Variants in ANAPC2 observed in about 807,000 individuals in gnomAD.
ANAPC2 encodes the protein anaphase promoting complex subunit 2, also known as anaphase-promoting complex subunit 2.
ANAPC2 carries 29 observed loss-of-function variants against 84.3 expected under a neutral mutation model. The observed-to-expected ratio is 0.34, with a 90% confidence interval of 0.26 to 0.47. The LOEUF (loss-of-function observed/expected upper bound fraction) is 0.47. Among genes scored for constraint, ANAPC2 ranks in the 20% least tolerant of loss-of-function variants. The probability of loss-of-function intolerance (pLI) is 1.00; values close to 1 mark genes in which losing one functional copy is unlikely to be tolerated. For missense variants in ANAPC2, 857 were observed against 1,131.7 expected (o/e 0.76, Z 3.48); for synonymous variants, 571 against 479.4 (o/e 1.19, Z -2.50).
intron 10 of ANAPC2, among the ~76,000 whole-genome samples, chr9:137,179,671 C>G (rs1046187202): frequency 2.0e-5 from 3 of 152,238 alleles, no homozygotes; most frequent in Non-Finnish European, 2.9e-5. Context: ...ACCACTGGAG[C>G]CTGCAAAGGC....
Position 137,183,176 on chromosome 9 carries a change from G to A in ANAPC2, c.1235C>T (p.Pro412Leu). ...SAIKALRVLD[P>L]SMVILEVACE... is the part of the protein sequence containing the mutation. ...GGCCACCTCCAGGATGACCATGGAA[G>A]GGTCCAGCACGCGCAGCGCCTTGAT... is the stretch of plus-strand genomic sequence containing the variant. The change falls in exon 6 of 13, where the codon CCT (proline) becomes CTT (leucine). Residue 412 changes from proline (P) to leucine (L), a missense_variant. By Grantham distance (98) the Pro-to-Leu change is moderately conservative. Around this residue, in one of 3 missense-constraint regions of ANAPC2, gnomAD observed 425 missense variants for 595.5 expected, o/e 0.71. Coordinates refer to ENST00000323927, the MANE Select transcript of ANAPC2 (RefSeq NM_013366.4). 1 of 1,613,314 alleles carries A rather than the reference G, an allele frequency of 6.2e-7. No individual in the cohort carries two copies. The highest frequency in any genetic ancestry group is 8.5e-7 in the Non-Finnish European group (1 of 1,179,960).
Position 137,187,804 on chromosome 9 carries a change from GC to G in ANAPC2, c.416del (p.Gly139AlafsTer3). 1.2e-6 allele frequency: 2 copies of G among 1,613,652 alleles called. No homozygotes were observed. Among genetic ancestry groups the G allele is most frequent in the Non-Finnish European group, 1.7e-6 (2 of 1,180,048 alleles). ...LELLEKWTRLGLLMGTGAQGL... is the reference protein window; with the variant it reads ...LELLEKWTRLXLLMGTGAQGL... ...CCTGAGCACCAGTGCCCATCAGCAA[GC>G]CCAGGCGAGTCCATTTCTCCAGCAG... On this transcript the variant is annotated frameshift_variant, in exon 2 of 13. Coordinates refer to ENST00000323927, the MANE Select transcript of ANAPC2 (RefSeq NM_013366.4). LOFTEE classifies it high-confidence loss of function.
chr9:137,186,176 C>A (rs748706663), intron 3 of ANAPC2, 48 bp downstream of exon 3: 5 of 1,597,342 alleles, frequency 3.1e-6, no homozygotes, highest in Admixed American at 3.4e-5. Context: ...TGCCAGAAAC[C>A]TACTCCCCTG....
intron 2 of ANAPC2, 133 bp from the exon 3 acceptor site, chr9:137,186,489 C>G: frequency 7.8e-7 from 1 of 1,275,982 alleles, no homozygotes; most frequent in East Asian, 2.6e-5. Context: ...CAGCACACAC[C>G]TCCCCACAAT....
At chr9:137,184,109 C>T (rs1588763213) in intron 4 of ANAPC2, among the ~76,000 whole-genome samples, 1 of 152,238 alleles carries the variant, frequency 6.6e-6, no homozygotes, top group Non-Finnish European at 1.5e-5. Context: ...CGGGGGACGC[C>T]GCAGTGGGGA....
intron 5 of ANAPC2, chr9:137,183,465 G>T: frequency 2.5e-6 from 2 of 815,682 alleles, no homozygotes; most frequent in Non-Finnish European, 3.8e-6. Flanking sequence ...AGACCTACCG[G>T]TCAGTCCTGA....
At chr9:137,182,849 C>T (rs917876076) in intron 6 of ANAPC2, among the ~76,000 whole-genome samples, 12 of 152,180 alleles carry the variant, frequency 7.9e-5, no homozygotes, top group African/African-American at 2.9e-4. Context: ...AAGAGCTTCT[C>T]TCTGTGCTGG....
intron 2 of ANAPC2, chr9:137,187,278 G>C (rs1324915447): frequency 3.0e-6 from 2 of 677,290 alleles, no homozygotes; most frequent in South Asian, 2.1e-5. Flanking sequence ...GTCAAGGCAT[G>C]AATCTGTGGG....
At chr9:137,178,267 G>A (rs552837422) in intron 10 of ANAPC2, among the ~76,000 whole-genome samples, 5 of 152,374 alleles carry the variant, frequency 3.3e-5, no homozygotes, top group South Asian at 2.1e-4. Flanking sequence ...CAGGGGTGAC[G>A]CTGTGGGCTG....
At chr9:137,178,565 A>C (rs1834271879) in intron 10 of ANAPC2, among the ~76,000 whole-genome samples, 4 of 152,174 alleles carry the variant, frequency 2.6e-5, no homozygotes. Flanking sequence ...GGGACCGAGC[A>C]CGGAGCCGGG....
intron 10 of ANAPC2, 160 bp from the exon 11 acceptor site, chr9:137,175,997 C>A (rs1834201648): frequency 1.2e-6 from 1 of 864,552 alleles, no homozygotes; most frequent in Non-Finnish European, 1.7e-6. Context: ...TGGGTGGGGT[C>A]CCCACCTGCT....
At position 137,186,458 on chromosome 9, in the gene ANAPC2, G is replaced by GCA. The variant is rs148147354; in HGVS notation, c.741-104_741-103dup. 5,789 of 1,309,834 alleles carry GCA rather than the reference G, an allele frequency of 4.4e-3. 5 individuals carry two copies. The highest frequency in any genetic ancestry group is 0.013 in the African/African-American group (861 of 67,760). 81.1% of individuals were successfully genotyped at this position (1,309,834 alleles called of 1,614,324 possible). On this transcript the variant is annotated intron_variant, in intron 2 of 12. Transcript: ENST00000323927. ...CTGCCCTGCCTGTAGAGTGCATGCA[G>GCA]CACACACACACACACACACCCAGCA...
Position 137,181,798 on chromosome 9 carries a change from C to T in ANAPC2, c.1351G>A (p.Asp451Asn), listed in dbSNP as rs774033779. 1.2e-6 allele frequency: 2 copies of T among 1,610,068 alleles called. No homozygotes were observed. Among genetic ancestry groups the T allele is most frequent in the South Asian group, 2.2e-5 (2 of 91,082 alleles). Residue 451 changes from aspartate to asparagine, a missense_variant, in exon 7 of 13, where the codon GAC (aspartate) becomes AAC (asparagine). Coordinates refer to ENST00000323927, the MANE Select transcript of ANAPC2 (RefSeq NM_013366.4). ...GTCTTGGACAGCTCAACAGCCAGGT[C>T]CCCTGTCCCGTCCGAGTCCCCCGTC... is the stretch of plus-strand genomic sequence containing the variant. The part of the protein sequence containing the change: ...GLTGDSDGTG[D>N]LAVELSKTDP...
At chr9:137,183,040 A>T (rs1834377859) in intron 6 of ANAPC2, 85 bp downstream of exon 6, 5 of 1,109,838 alleles carry the variant, frequency 4.5e-6, no homozygotes, top group East Asian at 2.4e-5. Flanking sequence ...GGCCGAACAC[A>T]CCCTCCGGCT....
At chr9:137,186,191 C>T (rs930293155) in intron 3 of ANAPC2, 33 bp downstream of exon 3, 2 of 1,605,950 alleles carry the variant, frequency 1.2e-6, no homozygotes, top group East Asian at 2.2e-5. Context: ...CCCCTGTCTC[C>T]AGCGGGGCAC....
chr9:137,181,254 G>C (rs559979578), intron 7 of ANAPC2, among the ~76,000 whole-genome samples: 29 of 152,362 alleles, frequency 1.9e-4, no homozygotes, highest in African/African-American at 6.7e-4. Context: ...GCAGGGGCCA[G>C]GCCTGGGCCC....
intron 10 of ANAPC2, chr9:137,177,140 G>A (rs763638372): frequency 2.0e-5 from 3 of 152,204 alleles, no homozygotes; most frequent in Admixed American, 6.5e-5. Flanking sequence ...AGCTGCATAA[G>A]CCAACAAGGT....
chr9:137,184,842 G>A (rs1789142790), intron 4 of ANAPC2, 71 bp downstream of exon 4: 1 of 1,565,342 alleles, frequency 6.4e-7, no homozygotes, highest in Non-Finnish European at 8.6e-7. Flanking sequence ...CAGACACAGA[G>A]GAGACACGGG....
chr9:137,181,918 C>T (rs1554773747), intron 6 of ANAPC2, 56 bp from the exon 7 acceptor site: 17 of 1,542,790 alleles, frequency 1.1e-5, no homozygotes, highest in Non-Finnish European at 1.5e-5. Context: ...GCGCACCTCC[C>T]ACCACTCATT....
Sources: allele counts gnomAD v4.1 joint callset (sites outside exome capture counted in the v4.1 genomes callset), GRCh38; gene constraint gnomAD v4.1.1; regional missense constraint gnomAD v4.1.1; transcripts MANE v1.5; gene names NCBI Gene and HGNC (gene_info 2026-07-23, HGNC 2026-07-21).